PNMA5: variants seen among roughly 807,000 people sequenced by gnomAD.
PNMA5 encodes the protein paraneoplastic antigen-like protein 5.
For missense variants in PNMA5, 334 were observed against 356.6 expected (o/e 0.94, Z 0.51); for synonymous variants, 138 against 137.9 (o/e 1.00, Z 0.00).
In PNMA5 at chrX:152,991,996, C is replaced by T. The variant is rs782815419; in HGVS notation, c.-199-19G>A. The T allele has an allele frequency of 2.6e-4, 34 of 129,059 alleles. No individual in the cohort carries two copies. The highest frequency in any genetic ancestry group is 4.1e-4 in the Non-Finnish European group (27 of 65,088). The allele number at this position is 129,059 out of a possible 1,213,427, so 10.6% of individuals were successfully genotyped here. On this transcript the variant is annotated intron_variant, in intron 2 of 3. Transcript: ENST00000535214. ...CGGGTGCCTGTAGTGAAAAGGCCAACGTCAGGAGGCAGGGCCTGACACCTG... is the reference window on the plus strand; with the variant it reads ...CGGGTGCCTGTAGTGAAAAGGCCAATGTCAGGAGGCAGGGCCTGACACCTG...
In PNMA5 at chrX:152,991,051, G is replaced by A; in HGVS notation, c.548C>T (p.Thr183Ile). The A allele has an allele frequency of 8.3e-7, 1 of 1,205,185 alleles. No individual in the cohort carries two copies. Among genetic ancestry groups the A allele is most frequent in the East Asian group, 3.0e-5 (1 of 33,853 alleles). Residue 183 changes from threonine (T) to isoleucine (I), a missense_variant, in exon 4 of 4, where the codon ACT becomes ATT. Thr to Ile is a moderately conservative substitution (Grantham distance 89, BLOSUM62 -1). Coordinates refer to ENST00000535214, the MANE Select transcript of PNMA5 (RefSeq NM_001184924.2). ...CACTTGCCATATGGGCATTATCTCA[G>A]TGACCTGCTCTAGCCAGTCTTCAAA... Reference protein sequence around the residue: ...ETFEDWLEQVTEIMPIWQVSE... With the variant: ...ETFEDWLEQVIEIMPIWQVSE...
rs782579115 is a variant in PNMA5 at position 152,991,581 on chromosome X, T to C, written c.18A>G (p.Leu6=). The C allele has an allele frequency of 8.7e-7, 1 of 1,151,091 alleles. No individual in the cohort carries two copies. Among genetic ancestry groups the C allele is most frequent in the African/African-American group, 1.8e-5 (1 of 55,775 alleles). 94.9% of individuals were successfully genotyped at this position (1,151,091 alleles called of 1,213,427 possible). ...TGTCCATCCCCTTGCACCAATCCTC[T>C]AGCAGTGTCAGTGCCATTGCTCCCA... MALTL[L]EDWCKGMDMD... is the part of the protein sequence containing the mutation. The change falls in exon 4 of 4, where the codon CTA becomes CTG. Residue 6 remains leucine (L), a synonymous_variant. Coordinates refer to ENST00000535214, the MANE Select transcript of PNMA5 (RefSeq NM_001184924.2).
At position 152,990,193 on chromosome X, in the gene PNMA5, C is replaced by T. The variant is rs2050886258; in HGVS notation, c.*59G>A. The T allele has an allele frequency of 2.1e-5, 22 of 1,054,612 alleles. No individual in the cohort carries two copies. In the South Asian group the frequency reaches 6.8e-4, roughly 33 times the overall value. 86.9% of individuals were successfully genotyped at this position (1,054,612 alleles called of 1,213,427 possible). On this transcript the variant is annotated 3_prime_UTR_variant, in exon 4 of 4. Transcript: ENST00000535214. ...TCCCTGTTAGTGTAAGCTGCCCCTT[C>T]CCCTTGTTCAAATGTCCCTGCTGCC...
Position 152,991,300 on chromosome X carries a change from T to C in PNMA5, c.299A>G (p.Asp100Gly). ...GTAGTTCAGTCTACTGAGAAACTCATCATCTGGGTTACGGGGTTTTACCAC... is the reference window on the plus strand; with the variant it reads ...GTAGTTCAGTCTACTGAGAAACTCACCATCTGGGTTACGGGGTTTTACCAC... ...EVVVKPRNPD[D>G]EFLSRLNYFL... is the part of the protein sequence containing the mutation. Residue 100 changes from aspartate (D) to glycine (G), a missense_variant, in exon 4 of 4, where the codon GAT (aspartate) becomes GGT (glycine). Transcript: ENST00000535214. The C allele has an allele frequency of 8.3e-7, 1 of 1,209,924 alleles. No homozygotes were observed. Among genetic ancestry groups the C allele is most frequent in the Non-Finnish European group, 1.1e-6 (1 of 894,758 alleles).
Position 152,990,474 on chromosome X carries a change from G to C in PNMA5, c.1125C>G (p.Ser375Arg), listed in dbSNP as rs369163473. Reference protein sequence around the residue: ...PQATVQARSFSDSSPQTIQGG... With the variant: ...PQATVQARSFRDSSPQTIQGG... The stretch of plus-strand genomic sequence containing the variant: ...CCTGTATGGTCTGGGGGCTGCTGTC[G>C]CTAAAAGACCTTGCCTGCACGGTGG... Residue 375 changes from serine to arginine, a missense_variant, in exon 4 of 4, where the codon AGC (serine) becomes AGG (arginine). Ser to Arg is a moderately radical substitution (Grantham distance 110). Coordinates refer to ENST00000535214, the MANE Select transcript of PNMA5 (RefSeq NM_001184924.2). The C allele has an allele frequency of 2.0e-5, 23 of 1,171,897 alleles. No individual in the cohort carries two copies. Among genetic ancestry groups the C allele is most frequent in the Admixed American group, 2.6e-5 (1 of 37,989 alleles).
Position 152,990,946 on chromosome X carries a change from T to C in PNMA5, c.653A>G (p.Asn218Ser), listed in dbSNP as rs1476613694. 13 of 1,195,123 alleles carry C rather than the reference T, an allele frequency of 1.1e-5. No homozygotes were observed. Among genetic ancestry groups the C allele is most frequent in the Non-Finnish European group, 1.5e-5 (13 of 888,560 alleles). The change falls in exon 4 of 4, where the codon AAC becomes AGC. Residue 218 changes from asparagine (N) to serine (S), a missense_variant. Coordinates refer to ENST00000535214, the MANE Select transcript of PNMA5 (RefSeq NM_001184924.2). ...CTGCTCCACAGTTATGGAGTCATTG[T>C]TGGCCTGGAGCACCCGCATGATTGA... ...ALSIMRVLQANNDSITVEQCL... is the reference protein window; with the variant it reads ...ALSIMRVLQASNDSITVEQCL...
chrX:152,992,373 C>T (rs1294840350), intron 2 of PNMA5, among the ~76,000 whole-genome samples: 7 of 111,861 alleles, frequency 6.3e-5, no homozygotes, highest in East Asian at 2.8e-4. Context: ...ACCAATAAAG[C>T]GTACTAGCAA....
In PNMA5 at chrX:152,991,274, A is replaced by G. The variant is rs373163204; in HGVS notation, c.325T>C (p.Phe109Leu). ...DDEFLSRLNY[F>L]LKDEGRSMTD... is the part of the protein sequence containing the mutation. ...ATACTTCGGCCCTCATCTTTCAGGA[A>G]GTAGTTCAGTCTACTGAGAAACTCA... Residue 109 changes from phenylalanine (F) to leucine (L), a missense_variant, in exon 4 of 4, where the codon TTC becomes CTC. Transcript: ENST00000535214. The G allele has an allele frequency of 5.8e-6, 7 of 1,205,037 alleles. 1 individual carries two copies. The African/African-American group carries it at 1.2e-4, about 21-fold the overall frequency.
chrX:152,991,097 G>A lies in PNMA5; in HGVS notation c.502C>T (p.Pro168Ser). The change falls in exon 4 of 4, where the codon CCT becomes TCT. Residue 168 changes from proline (P) to serine (S), a missense_variant. Transcript: ENST00000535214. ...TCAAAGGTCTCTTCGCCTGGGCTAG[G>A]GGAAGCAGTTCCCGAAAACACTTTC... The part of the protein sequence containing the change: ...KLKVFSGTAS[P>S]SPGEETFEDW... 2.5e-6 allele frequency: 3 copies of A among 1,204,652 alleles called. No individual in the cohort carries two copies. In the East Asian group the frequency reaches 8.9e-5, roughly 36 times the overall value.
chrX:152,990,846 G>A lies in PNMA5; in HGVS notation c.753C>T (p.Thr251=). The A allele has an allele frequency of 8.3e-7, 1 of 1,207,517 alleles. No homozygotes were observed. Residue 251 remains threonine, a synonymous_variant, in exon 4 of 4, where the codon ACC becomes ACT. Transcript: ENST00000535214. ...FRASQFRFLQ[T]SPKIGEKVST... Reference sequence around the variant, plus strand: ...AGACTTTCTCTCCAATCTTCGGAGAGGTCTGCAGAAACCTAAACTGAGAGG... The same window carrying A: ...AGACTTTCTCTCCAATCTTCGGAGAAGTCTGCAGAAACCTAAACTGAGAGG...
rs1318305337 is a variant in PNMA5, at chrX:152,989,019, C to T, written c.*1233G>A. The T allele has an allele frequency of 4.6e-5, 5 of 108,822 alleles. No homozygotes were observed. The highest frequency in any genetic ancestry group is 1.7e-4 in the African/African-American group (5 of 29,618). The allele number at this position is 108,822 out of a possible 1,213,427, so 9.0% of individuals were successfully genotyped here. On this transcript the variant is annotated 3_prime_UTR_variant, in exon 4 of 4. Coordinates refer to ENST00000535214, the MANE Select transcript of PNMA5 (RefSeq NM_001184924.2). ...CCACCTCTTGCCAGGATGGTGGGCT[C>T]TGGCAATGTGTACTCGCTTCAGGGA...
Position 152,990,962 on chromosome X carries a change from G to A in PNMA5, c.637C>T (p.Arg213Trp), listed in dbSNP as rs782149050. 9.2e-6 allele frequency: 11 copies of A among 1,193,091 alleles called. No individual in the cohort carries two copies. Among genetic ancestry groups the A allele is most frequent in the East Asian group, 8.9e-5 (3 of 33,678 alleles). The change falls in exon 4 of 4, where the codon CGG becomes TGG. Residue 213 changes from arginine to tryptophan, a missense_variant. By Grantham distance (101) the Arg-to-Trp change is moderately radical. Transcript: ENST00000535214. ...SLRGPALSIM[R>W]VLQANNDSIT... ...GAGTCATTGTTGGCCTGGAGCACCC[G>A]CATGATTGACAGAGCAGGCCCACGT...
rs202118909 is a variant in PNMA5, at chrX:152,990,754, C to T, written c.845G>A (p.Arg282His). The change falls in exon 4 of 4, where the codon CGC (arginine) becomes CAC (histidine). Residue 282 changes from arginine to histidine, a missense_variant. Physicochemically the swap from Arg to His is conservative, Grantham distance 29. Transcript: ENST00000535214. ...KAVHKSPLSV[R>H]STDMIRLKHL... is the part of the protein sequence containing the mutation. ...TTTCAGACGAATCATGTCTGTGCTG[C>T]GCACTGACAAGGGGCTCTTGTGCAC... 10 of 1,190,132 alleles carry T rather than the reference C, an allele frequency of 8.4e-6. No individual in the cohort carries two copies. Among genetic ancestry groups the T allele is most frequent in the Middle Eastern group, 4.7e-4 (2 of 4,234 alleles).
At chrX:152,992,377 CT>C (rs1348738335) in intron 2 of PNMA5, among the ~76,000 whole-genome samples, 1 of 111,996 alleles carries the variant, frequency 8.9e-6, no homozygotes, top group Non-Finnish European at 1.9e-5. Context: ...ATAAAGCGTA[CT>C]AGCAAAAAGG....
At chrX:152,992,825 G>A (rs112885475) in intron 1 of PNMA5, 39 bp from the exon 2 acceptor site, 3,668 of 110,739 alleles carry the variant, frequency 0.033, 161 homozygotes, top group African/African-American at 0.12. Context: ...CTGTGATTCT[G>A]TCCCACACAC....
rs16996773 is a variant in PNMA5 at position 152,990,912 on chromosome X, G to A, written c.687C>T (p.Asp229=). ...TATCCCCAAAGATCTGCTTTAGGGC[G>A]TCAAGGCACTGCTCCACAGTTATGG... ...NDSITVEQCL[D]ALKQIFGDKE... is the part of the protein sequence containing the mutation. Residue 229 remains aspartate, a synonymous_variant, in exon 4 of 4, where the codon GAC becomes GAT. Transcript: ENST00000535214. The A allele has an allele frequency of 4.2e-3, 5,074 of 1,201,910 alleles. 130 individuals carry two copies. The African/African-American group carries it at 0.074, about 17-fold the overall frequency.
At position 152,990,952 on chromosome X, in the gene PNMA5, T is replaced by C; in HGVS notation, c.647A>G (p.Gln216Arg). ...GPALSIMRVL[Q>R]ANNDSITVEQ... ...CACAGTTATGGAGTCATTGTTGGCCTGGAGCACCCGCATGATTGACAGAGC... is the reference window on the plus strand; with the variant it reads ...CACAGTTATGGAGTCATTGTTGGCCCGGAGCACCCGCATGATTGACAGAGC... Residue 216 changes from glutamine (Q) to arginine (R), a missense_variant, in exon 4 of 4, where the codon CAG (glutamine) becomes CGG (arginine). Physicochemically the swap from Gln to Arg is conservative, Grantham distance 43 (BLOSUM62 1). Transcript: ENST00000535214. 3 of 1,194,650 alleles carry C rather than the reference T, an allele frequency of 2.5e-6. No homozygotes were observed. Among genetic ancestry groups the C allele is most frequent in the Non-Finnish European group, 3.4e-6 (3 of 888,222 alleles).
chrX:152,992,019 C>T (rs2050912557), intron 2 of PNMA5, 42 bp from the exon 3 acceptor site: 1 of 122,586 alleles, frequency 8.2e-6, no homozygotes. Context: ...GGCCTGACAC[C>T]TGGGGACACT....
In PNMA5 at chrX:152,990,330, C is replaced by G; in HGVS notation, c.1269G>C (p.Gly423=). 1 of 1,156,384 alleles carries G rather than the reference C, an allele frequency of 8.6e-7. No individual in the cohort carries two copies. The highest frequency in any genetic ancestry group is 1.1e-6 in the Non-Finnish European group (1 of 873,745). The part of the protein sequence containing the change: ...KAENQTPGRE[G]PQAAGEELGN... ...CCAACTCCTCTCCTGCAGCCTGTGG[C>G]CCCTCCCTGCCTGGAGTCTGGTTTT... Residue 423 remains glycine, a synonymous_variant, in exon 4 of 4, where the codon GGG becomes GGC. Coordinates refer to ENST00000535214, the MANE Select transcript of PNMA5 (RefSeq NM_001184924.2).
Sources: gnomAD v4.1 joint callset for allele counts (sites outside exome capture counted in the v4.1 genomes callset) on GRCh38, gnomAD v4.1.1 for gene constraint, MANE v1.5 for transcripts, NCBI Gene and HGNC (gene_info 2026-07-23, HGNC 2026-07-21) for gene names.